The following COL11A1 variants were observed in gnomAD, a reference collection of about 807,000 sequenced individuals.
COL11A1 encodes the protein collagen type XI alpha 1 chain.
In COL11A1, 74 loss-of-function variants were observed where a neutral mutation model predicts 265.2. That is an observed-to-expected ratio of 0.28 (90% confidence interval 0.23 to 0.34). The LOEUF (loss-of-function observed/expected upper bound fraction) is 0.34, where lower values mean the gene tolerates loss of function less well. COL11A1 is among the 10% of genes least tolerant of loss of function. COL11A1 has a pLI of 1.00. For synonymous variants in COL11A1, 816 were observed against 727.6 expected, an observed-to-expected ratio of 1.12 and a Z score of -1.96; for missense variants, 2,165 against 2,263.6, an observed-to-expected ratio of 0.96 and a Z score of 0.88.
rs147601452 is a variant in COL11A1 at position 102,951,411 on chromosome 1, C to T, written c.3169-4455G>A. On this transcript the variant is annotated intron_variant, in intron 41 of 66. Coordinates refer to ENST00000370096, the MANE Select transcript of COL11A1 (RefSeq NM_001854.4). Reference sequence around the variant, plus strand: ...ATGTTGAACATGTTAAAAATTTAGGCGTCACGCCGGGAGTGGTGGCTCACA... The same window carrying T: ...ATGTTGAACATGTTAAAAATTTAGGTGTCACGCCGGGAGTGGTGGCTCACA... 4.3e-3 allele frequency among the ~76,000 whole-genome samples: 653 copies of T among 152,238 alleles called. 6 individuals are homozygous for T. The highest frequency in any genetic ancestry group is 0.014 in the African/African-American group (598 of 41,534).
chr1:102,980,413 C>G (rs1267046073), intron 31 of COL11A1, among the ~76,000 whole-genome samples: 4 of 151,952 alleles, frequency 2.6e-5, no homozygotes, highest in Admixed American at 6.6e-5. Context: ...ATTAGCTTCC[C>G]TCATCACTGT....
intron 14 of COL11A1, among the ~76,000 whole-genome samples, chr1:103,011,239 T>G (rs1666100549): frequency 6.6e-6 from 1 of 152,136 alleles, no homozygotes; most frequent in Admixed American, 6.6e-5. Context: ...TATGTAAATT[T>G]GAGTCATTAA....
Position 102,913,686 on chromosome 1 carries a change from T to A in COL11A1, c.3983A>T (p.Gln1328Leu). ...GPPGEPGPAGQDGVGGDKGED... is the reference protein window; with the variant it reads ...GPPGEPGPAGLDGVGGDKGED... ...ACCCTTGTCACCACCAACACCATCT[T>A]GACCCTATAAGAGGCAATAAAATAT... is the stretch of plus-strand genomic sequence containing the variant. The change falls in exon 53 of 67, where the codon CAA becomes CTA. Residue 1328 changes from glutamine to leucine, a missense_variant. Gln to Leu is a moderately radical substitution (Grantham distance 113, BLOSUM62 -2). Transcript: ENST00000370096. 1 of 1,613,432 alleles carries A rather than the reference T, an allele frequency of 6.2e-7. No individual in the cohort carries two copies.
At chr1:102,931,474 CTCT>C (rs1178963788) in intron 46 of COL11A1, among the ~76,000 whole-genome samples, 2 of 152,106 alleles carry the variant, frequency 1.3e-5, no homozygotes, top group Non-Finnish European at 2.9e-5. Context: ...GTTATAATCT[CTCT>C]TCTTATACAT....
intron 51 of COL11A1, 87 bp downstream of exon 51, chr1:102,914,617 G>T: frequency 2.8e-6 from 3 of 1,062,770 alleles, no homozygotes; most frequent in Non-Finnish European, 4.3e-6. Context: ...CTATGTTCCA[G>T]AGTCTCAGGA....
intron 3 of COL11A1, among the ~76,000 whole-genome samples, chr1:103,076,825 A>G (rs934591191): frequency 4.6e-5 from 7 of 152,100 alleles, no homozygotes; most frequent in African/African-American, 1.7e-4. Flanking sequence ...CATTGCTACA[A>G]CTGCTGTGCT....
intron 2 of COL11A1, among the ~76,000 whole-genome samples, chr1:103,082,222 A>G (rs941033805): frequency 1.3e-5 from 2 of 152,032 alleles, no homozygotes; most frequent in Non-Finnish European, 2.9e-5. Flanking sequence ...TAGTTTCAGG[A>G]GGGATAACTG....
intron 2 of COL11A1, among the ~76,000 whole-genome samples, chr1:103,080,199 C>T (rs2102310430): frequency 6.6e-6 from 1 of 151,936 alleles, no homozygotes; most frequent in Admixed American, 6.6e-5. Context: ...GGCATGAATA[C>T]ATTTTTATGC....
rs142192946 is a variant in COL11A1 at position 102,911,793 on chromosome 1, A to G, written c.4086+366T>C. On this transcript the variant is annotated intron_variant, in intron 54 of 66. Transcript: ENST00000370096. ...TCATTGATGCATTCATGTTTTTACA[A>G]TGTTTTAAGCTAGCACTGGACTTTT... Among the ~76,000 whole-genome samples the G allele has an allele frequency of 2.3e-3, 356 of 152,274 alleles. 1 individual carries two copies. Among genetic ancestry groups the G allele is most frequent in the African/African-American group, 8.4e-3 (350 of 41,572 alleles).
In COL11A1 at chr1:103,092,590, C is replaced by G. The variant is rs532008621; in HGVS notation, c.107-9618G>C. On this transcript the variant is annotated intron_variant, in intron 1 of 66. Coordinates refer to ENST00000370096, the MANE Select transcript of COL11A1 (RefSeq NM_001854.4). ...AAGATTAAGTGTAGTGCATTCTGTACTACTGTAATCATTTGTTAGCCACCT... is the reference window on the plus strand; with the variant it reads ...AAGATTAAGTGTAGTGCATTCTGTAGTACTGTAATCATTTGTTAGCCACCT... 3.9e-5 allele frequency among the ~76,000 whole-genome samples: 6 copies of G among 152,178 alleles called. No individual in the cohort carries two copies. The South Asian group carries it at 1.0e-3, about 26-fold the overall frequency.
intron 51 of COL11A1, 50 bp from the exon 52 acceptor site, chr1:102,914,455 A>G (rs1461248212): frequency 1.3e-6 from 2 of 1,505,788 alleles, no homozygotes; most frequent in Admixed American, 1.8e-5. Context: ...ATAAATTTTT[A>G]TAAAATTATG....
intron 36 of COL11A1, among the ~76,000 whole-genome samples, chr1:102,973,693 A>G (rs1193821816): frequency 6.6e-6 from 1 of 152,176 alleles, no homozygotes; most frequent in Non-Finnish European, 1.5e-5. Context: ...TACCAAGGTT[A>G]CTTTATATTT....
intron 44 of COL11A1, among the ~76,000 whole-genome samples, chr1:102,935,476 T>C (rs1433600085): frequency 6.6e-6 from 1 of 152,154 alleles, no homozygotes; most frequent in African/African-American, 2.4e-5. Flanking sequence ...AAAGGGCCCA[T>C]GAAAAAATTG....
At chr1:102,945,833 AC>A (rs1269722862) in intron 42 of COL11A1, among the ~76,000 whole-genome samples, 1 of 152,144 alleles carries the variant, frequency 6.6e-6, no homozygotes, top group East Asian at 1.9e-4. Flanking sequence ...CTGAGTATAT[AC>A]CCAAAGGACT....
intron 46 of COL11A1, among the ~76,000 whole-genome samples, chr1:102,931,611 A>G (rs1290934063): frequency 6.6e-6 from 1 of 151,992 alleles, no homozygotes; most frequent in Admixed American, 6.6e-5. Flanking sequence ...TATTAGGTCC[A>G]CTTGGTGCAG....
intron 4 of COL11A1, among the ~76,000 whole-genome samples, chr1:103,072,544 A>ATATATAG (rs1488813357): frequency 1.3e-5 from 2 of 151,852 alleles, no homozygotes; most frequent in Non-Finnish European, 2.9e-5. Flanking sequence ...AAGATTCATA[A>ATATATAG]GTATATAGGT....
rs1672539856 is a variant in COL11A1, at chr1:103,083,026, C to T, written c.107-54G>A. On this transcript the variant is annotated intron_variant, in intron 1 of 66. Coordinates refer to ENST00000370096, the MANE Select transcript of COL11A1 (RefSeq NM_001854.4). ...AGAATTGAACAACGATCTGATATAACAATGAGTATTTTTAACACAGGATAG... is the reference window on the plus strand; with the variant it reads ...AGAATTGAACAACGATCTGATATAATAATGAGTATTTTTAACACAGGATAG... The T allele has an allele frequency of 2.0e-6, 3 of 1,534,002 alleles. No individual in the cohort carries two copies. The Admixed American group carries it at 5.1e-5, about 26-fold the overall frequency.
At chr1:103,037,252 TTG>T (rs10582908) in intron 4 of COL11A1, among the ~76,000 whole-genome samples, 73,266 of 144,840 alleles carry the variant, frequency 0.51, 19,064 homozygotes, top group East Asian at 0.78. Context: ...TACATTTAGA[TTG>T]TGTGTGTGTG....
Position 102,950,198 on chromosome 1 carries a change from C to T in COL11A1, c.3169-3242G>A, listed in dbSNP as rs369352793. 2.6e-5 allele frequency among the ~76,000 whole-genome samples: 4 copies of T among 152,198 alleles called. No homozygotes were observed. In the East Asian group the frequency reaches 7.8e-4, roughly 29 times the overall value. On this transcript the variant is annotated intron_variant, in intron 41 of 66. Coordinates refer to ENST00000370096, the MANE Select transcript of COL11A1 (RefSeq NM_001854.4). ...TCAGCTACTCAGGACAGGAGGGTCA[C>T]CTGAGCCCAGGGAGGTCAAGGCTGC...
Sources: allele counts gnomAD v4.1 joint callset (sites outside exome capture counted in the v4.1 genomes callset), GRCh38; gene constraint gnomAD v4.1.1; transcripts MANE v1.5; gene names NCBI Gene and HGNC (gene_info 2026-07-23, HGNC 2026-07-21).